The following ZNF727 variants were observed in gnomAD, a reference collection of about 807,000 sequenced individuals.
ZNF727 encodes the protein zinc finger protein 727.
Under a neutral mutation model 11.5 loss-of-function variants are expected in ZNF727, and 11 were observed. The ratio of observed to expected loss-of-function variants is 0.95; its 90% CI spans 0.60 to 1.58. The LOEUF is 1.58. Among genes scored for constraint, ZNF727 ranks in the 40% most tolerant of loss-of-function variants. The pLI, the probability that ZNF727 is intolerant of heterozygous loss-of-function variation, is 0.00. For synonymous variants in ZNF727, 171 were observed against 196.1 expected (o/e 0.87, Z 1.07); for missense variants, 533 against 581.7 (o/e 0.92, Z 0.86).
intron 1 of ZNF727, among the ~76,000 whole-genome samples, chr7:64,054,174 G>A (rs1789647045): frequency 6.6e-6 from 1 of 152,120 alleles, no homozygotes; most frequent in African/African-American, 2.4e-5. Flanking sequence ...TGTGAGGGTG[G>A]CCTTCCCTCA....
In ZNF727 at chr7:64,056,336, G is replaced by A. The variant is rs557693428; in HGVS notation, c.3+10712G>A. ...CTAAGAAGTGCTAAGATAGTAACTC[G>A]TGACATCAAAATACAGTGTGAGCAG... is the stretch of plus-strand genomic sequence containing the variant. On this transcript the variant is annotated intron_variant, in intron 1 of 3. Coordinates refer to ENST00000456806, the MANE Select transcript of ZNF727 (RefSeq NM_001159522.3). Among the ~76,000 whole-genome samples the A allele has an allele frequency of 1.3e-3, 196 of 152,170 alleles. 1 individual carries two copies. Among genetic ancestry groups the A allele is most frequent in the Non-Finnish European group, 2.0e-3 (135 of 67,990 alleles).
Position 64,077,335 on chromosome 7 carries a change from C to CA in ZNF727, c.291dup (p.Val98SerfsTer10). On this transcript the variant is annotated frameshift_variant, in exon 4 of 4. Coordinates refer to ENST00000456806, the MANE Select transcript of ZNF727 (RefSeq NM_001159522.3). LOFTEE classifies it low-confidence loss of function (END_TRUNC). Reference sequence around the variant, plus strand: ...GGAGCACGACATAAACGATTCATTTCAAAAAGTGATCCTGAGAAAATCTGG... The same window carrying CA: ...GGAGCACGACATAAACGATTCATTTCAAAAAAGTGATCCTGAGAAAATCTGG... 2 of 1,550,098 alleles carry CA rather than the reference C, an allele frequency of 1.3e-6. No individual in the cohort carries two copies. Among genetic ancestry groups the CA allele is most frequent in the Non-Finnish European group, 1.7e-6 (2 of 1,146,620 alleles).
Position 64,078,615 on chromosome 7 carries a change from C to T in ZNF727, c.*66C>T, listed in dbSNP as rs1785731991. ...AAAAGCTTTTACGTGGATCTTGGCC[C>T]TTAGTAAACACAAGAGAATTCATAC... On this transcript the variant is annotated 3_prime_UTR_variant, in exon 4 of 4. Transcript: ENST00000456806. The T allele has an allele frequency of 1.3e-6, 2 of 1,491,482 alleles. No individual in the cohort carries two copies. The highest frequency in any genetic ancestry group is 1.8e-6 in the Non-Finnish European group (2 of 1,081,286). 92.4% of individuals were successfully genotyped at this position (1,491,482 alleles called of 1,614,324 possible).
chr7:64,060,483 A>G (rs542159333), intron 1 of ZNF727, among the ~76,000 whole-genome samples: 1 of 152,292 alleles, frequency 6.6e-6, no homozygotes, highest in African/African-American at 2.4e-5. Flanking sequence ...GTTCAGCCAG[A>G]TTTGTAGAAA....
At chr7:64,052,378 C>CTT (rs56215284) in intron 1 of ZNF727, among the ~76,000 whole-genome samples, 61 of 130,372 alleles carry the variant, frequency 4.7e-4, no homozygotes, top group African/African-American at 6.6e-4. Flanking sequence ...ATTTCTCTCT[C>CTT]TTTTTTTTTT....
intron 1 of ZNF727, among the ~76,000 whole-genome samples, chr7:64,061,207 T>G (rs1328127478): frequency 6.6e-6 from 1 of 152,180 alleles, no homozygotes; most frequent in African/African-American, 2.4e-5. Context: ...TAGTGCAGAT[T>G]AAGTCCAATG....
At position 64,082,613 on chromosome 7, in the gene ZNF727, T is replaced by G. The variant is rs1165500285; in HGVS notation, c.*4064T>G. 1.3e-5 allele frequency among the ~76,000 whole-genome samples: 2 copies of G among 152,178 alleles called. No individual in the cohort carries two copies. The highest frequency in any genetic ancestry group is 1.3e-4 in the Admixed American group (2 of 15,284). The stretch of plus-strand genomic sequence containing the variant: ...AGTGTAGGCTGGGCGCAGTGGCTCA[T>G]GCCTGTAACCCTAGCACTTTGGGAG... On this transcript the variant is annotated 3_prime_UTR_variant, in exon 4 of 4. Transcript: ENST00000456806.
chr7:64,072,225 T>A (rs1043228025), intron 3 of ZNF727, among the ~76,000 whole-genome samples: 6 of 151,618 alleles, frequency 4.0e-5, no homozygotes, highest in African/African-American at 1.4e-4. Flanking sequence ...GCTGATAGAA[T>A]CTTTTTGGGT....
intron 1 of ZNF727, among the ~76,000 whole-genome samples, chr7:64,064,805 A>G (rs1789837175): frequency 6.6e-6 from 1 of 152,076 alleles, no homozygotes; most frequent in South Asian, 2.1e-4. Context: ...ATTCTGCCCC[A>G]TGTTGCTTTC....
chr7:64,054,456 A>AAT (rs1287819671), intron 1 of ZNF727, among the ~76,000 whole-genome samples: 1 of 152,296 alleles, frequency 6.6e-6, no homozygotes, highest in Non-Finnish European at 1.5e-5. Context: ...TGAGTGTTCT[A>AAT]ATATAGATGG....
At chr7:64,053,091 G>A (rs1789627467) in intron 1 of ZNF727, among the ~76,000 whole-genome samples, 1 of 152,138 alleles carries the variant, frequency 6.6e-6, no homozygotes, top group Admixed American at 6.5e-5. Flanking sequence ...CTGGGAGACT[G>A]TTGAGAAGGC....
At position 64,083,038 on chromosome 7, in the gene ZNF727, C is replaced by T. The variant is rs574217776; in HGVS notation, c.*4489C>T. 1.3e-5 allele frequency among the ~76,000 whole-genome samples: 2 copies of T among 152,356 alleles called. No homozygotes were observed. The highest frequency in any genetic ancestry group is 4.1e-4 in the South Asian group (2 of 4,828). ...ACAGCAAAAATGGCCGCTCACTCTT[C>T]CCTTTAGGAGCTGTATCCCAAAGAG... is the stretch of plus-strand genomic sequence containing the variant. On this transcript the variant is annotated 3_prime_UTR_variant, in exon 4 of 4. Coordinates refer to ENST00000456806, the MANE Select transcript of ZNF727 (RefSeq NM_001159522.3).
rs369405019 is a variant in ZNF727, at chr7:64,077,702, A to T, written c.653A>T (p.His218Leu). 1.5e-5 allele frequency: 24 copies of T among 1,575,432 alleles called. No individual in the cohort carries two copies. The highest frequency in any genetic ancestry group is 5.6e-5 in the Admixed American group (3 of 53,828). ...ACKKFSNLTEHNRVHTGKKPY... is the reference protein window; with the variant it reads ...ACKKFSNLTELNRVHTGKKPY... ...AAAAAGTTCTCAAACCTTACTGAACATAATAGAGTTCATACTGGAAAGAAA... is the reference window on the plus strand; with the variant it reads ...AAAAAGTTCTCAAACCTTACTGAACTTAATAGAGTTCATACTGGAAAGAAA... Residue 218 changes from histidine to leucine, a missense_variant, in exon 4 of 4, where the codon CAT becomes CTT. Coordinates refer to ENST00000456806, the MANE Select transcript of ZNF727 (RefSeq NM_001159522.3).
At chr7:64,069,825 T>C (rs1477977594) in intron 3 of ZNF727, among the ~76,000 whole-genome samples, 1 of 152,112 alleles carries the variant, frequency 6.6e-6, no homozygotes, top group East Asian at 1.9e-4. Flanking sequence ...ATGTGTGTTG[T>C]TGTTGCTGCT....
At chr7:64,061,252 C>T (rs1789765649) in intron 1 of ZNF727, among the ~76,000 whole-genome samples, 1 of 152,004 alleles carries the variant, frequency 6.6e-6, no homozygotes, top group South Asian at 2.1e-4. Context: ...GATTATGTGT[C>T]TGCTGCTGAA....
chr7:64,058,614 C>T (rs781777045), intron 1 of ZNF727, among the ~76,000 whole-genome samples: 4 of 152,146 alleles, frequency 2.6e-5, no homozygotes, highest in Admixed American at 6.5e-5. Flanking sequence ...TCTGAGCCAC[C>T]ATCTGTGTAG....
In ZNF727 at chr7:64,045,515, C is replaced by A. The variant is rs1789487015; in HGVS notation, c.-107C>A. The stretch of plus-strand genomic sequence containing the variant: ...ACCCGTCTGTACTATTCCATCTCTT[C>A]CGCTCCATTAGCTCCTCGGTGACTC... On this transcript the variant is annotated 5_prime_UTR_variant, in exon 1 of 4. Coordinates refer to ENST00000456806, the MANE Select transcript of ZNF727 (RefSeq NM_001159522.3). 1 of 1,452,886 alleles carries A rather than the reference C, an allele frequency of 6.9e-7. No individual in the cohort carries two copies. Among genetic ancestry groups the A allele is most frequent in the Non-Finnish European group, 9.5e-7 (1 of 1,057,152 alleles). The allele number at this position is 1,452,886 out of a possible 1,614,324, so 90.0% of individuals were successfully genotyped here.
chr7:64,063,781 G>C (rs528574861), intron 1 of ZNF727, among the ~76,000 whole-genome samples: 3 of 152,066 alleles, frequency 2.0e-5, no homozygotes, highest in African/African-American at 7.2e-5. Context: ...GGAGTCAGAA[G>C]CCTTAGGAAT....
chr7:64,064,272 C>G (rs1399197512), intron 1 of ZNF727, among the ~76,000 whole-genome samples: 1 of 152,154 alleles, frequency 6.6e-6, no homozygotes, highest in Non-Finnish European at 1.5e-5. Context: ...AGAAGTACTA[C>G]TTGGTTACTG....
Sources: gnomAD v4.1 joint callset for allele counts (sites outside exome capture counted in the v4.1 genomes callset) on GRCh38, gnomAD v4.1.1 for gene constraint, MANE v1.5 for transcripts, NCBI Gene and HGNC (gene_info 2026-07-23, HGNC 2026-07-21) for gene names.